The following SLC25A31 variants were observed in gnomAD, a reference collection of about 807,000 sequenced individuals.
The protein encoded by SLC25A31 is solute carrier family 25 member 31, also known as ADP/ATP translocase 4.
Under a neutral mutation model 36.2 loss-of-function variants are expected in SLC25A31, and 40 were observed. That is an observed-to-expected ratio of 1.10 (90% CI 0.86 to 1.44). The LOEUF (loss-of-function observed/expected upper bound fraction) is 1.44. SLC25A31 is among the 40% of genes most tolerant of loss of function. The pLI, the probability that SLC25A31 is intolerant of heterozygous loss-of-function variation, is 0.00. For missense variants in SLC25A31, 350 were observed against 397.1 expected (o/e 0.88, Z 1.01); for synonymous variants, 143 against 149.7 (o/e 0.96, Z 0.32).
intron 1 of SLC25A31, among the ~76,000 whole-genome samples, chr4:127,735,881 T>TTA (rs1268395581): frequency 2.6e-4 from 18 of 69,084 alleles, no homozygotes; most frequent in East Asian, 1.4e-3. Context: ...TATTTATTTA[T>TTA]TTATTTATTT....
chr4:127,758,440 T>TTA (rs2148761345), intron 2 of SLC25A31, among the ~76,000 whole-genome samples: 1 of 152,366 alleles, frequency 6.6e-6, no homozygotes, highest in South Asian at 2.1e-4. Flanking sequence ...GCATATTGTC[T>TTA]GTTTCCTCCA....
intron 3 of SLC25A31, among the ~76,000 whole-genome samples, chr4:127,765,452 A>T (rs1050757256): frequency 3.3e-5 from 5 of 152,110 alleles, no homozygotes; most frequent in African/African-American, 1.2e-4. Context: ...CTGGCTTTAA[A>T]CCTGTTTTAT....
intron 1 of SLC25A31, among the ~76,000 whole-genome samples, chr4:127,736,812 G>A (rs1482425910): frequency 3.3e-5 from 5 of 152,202 alleles, no homozygotes; most frequent in African/African-American, 1.2e-4. Context: ...TAATGTGTAT[G>A]TGTGTGTTCC....
At chr4:127,749,696 G>T (rs978624319) in intron 2 of SLC25A31, among the ~76,000 whole-genome samples, 2 of 133,184 alleles carry the variant, frequency 1.5e-5, no homozygotes, top group Non-Finnish European at 3.1e-5. Flanking sequence ...GTGACAGAGT[G>T]AGACTCCATC....
chr4:127,763,685 A>G (rs1303671115), intron 2 of SLC25A31, among the ~76,000 whole-genome samples: 1 of 152,214 alleles, frequency 6.6e-6, no homozygotes, highest in African/African-American at 2.4e-5. Context: ...TGTCATTTGA[A>G]CATAATTAAA....
intron 2 of SLC25A31, among the ~76,000 whole-genome samples, chr4:127,749,188 T>TTTGC (rs1731878082): frequency 1.3e-5 from 2 of 151,674 alleles, no homozygotes; most frequent in African/African-American, 2.4e-5. Context: ...CAGATGAAAG[T>TTTGC]ATCAGCAAAC....
At chr4:127,755,157 T>G (rs959724874) in intron 2 of SLC25A31, among the ~76,000 whole-genome samples, 2 of 152,074 alleles carry the variant, frequency 1.3e-5, no homozygotes, top group Admixed American at 6.6e-5. Flanking sequence ...ATATTAAAGA[T>G]TTAAATATGA....
intron 3 of SLC25A31, among the ~76,000 whole-genome samples, chr4:127,766,059 C>T (rs1426181844): frequency 6.6e-6 from 1 of 151,498 alleles, no homozygotes; most frequent in Non-Finnish European, 1.5e-5. Flanking sequence ...AAAATATGAC[C>T]CCTTCATATG....
chr4:127,766,952 G>A (rs1732255294), intron 3 of SLC25A31, 114 bp from the exon 4 acceptor site: 1 of 890,164 alleles, frequency 1.1e-6, no homozygotes, highest in Non-Finnish European at 1.6e-6. Flanking sequence ...TGCCTTCTTT[G>A]TTAGATTTGT....
rs1160924909 is a variant in SLC25A31, at chr4:127,730,493, G to C, written c.-53G>C. ...CGGTTTTCCGCTTCCCTTCATCGTA[G>C]CTCCCGTACTCATTTTTAGCCACTG... On this transcript the variant is annotated 5_prime_UTR_variant, in exon 1 of 6. Coordinates refer to ENST00000281154, the MANE Select transcript of SLC25A31 (RefSeq NM_031291.4). 1.3e-6 allele frequency: 2 copies of C among 1,557,676 alleles called. No individual in the cohort carries two copies. The highest frequency in any genetic ancestry group is 1.7e-4 in the Middle Eastern group (1 of 5,902).
intron 1 of SLC25A31, among the ~76,000 whole-genome samples, chr4:127,735,867 AT>A (rs1229789209): frequency 7.5e-6 from 1 of 132,596 alleles, no homozygotes; most frequent in Admixed American, 8.4e-5. Flanking sequence ...ACATTCTTTT[AT>A]TTTATTTATT....
At position 127,767,892 on chromosome 4, in the gene SLC25A31, T is replaced by TC. The variant is rs779932778; in HGVS notation, c.633+676dup. Among the ~76,000 whole-genome samples the TC allele has an allele frequency of 4.6e-5, 7 of 151,892 alleles. No individual in the cohort carries two copies. In the East Asian group the frequency reaches 1.2e-3, roughly 25 times the overall value. ...CCCATGTAACCAAAACACTACCTGT[T>TC]CCCCAAAAAACCTATTGAAATAAAA... On this transcript the variant is annotated intron_variant, in intron 4 of 5. Transcript: ENST00000281154.
intron 2 of SLC25A31, among the ~76,000 whole-genome samples, chr4:127,752,021 A>C (rs1731943147): frequency 6.6e-6 from 1 of 152,224 alleles, no homozygotes; most frequent in African/African-American, 2.4e-5. Context: ...CGATTCCTCA[A>C]GGATCTAGAA....
At chr4:127,760,107 T>G (rs1732099730) in intron 2 of SLC25A31, among the ~76,000 whole-genome samples, 2 of 152,220 alleles carry the variant, frequency 1.3e-5, no homozygotes, top group Non-Finnish European at 2.9e-5. Context: ...AACTGAGTCA[T>G]GTTAAACTGA....
intron 5 of SLC25A31, 133 bp from the exon 6 acceptor site, chr4:127,773,253 T>G (rs529539600): frequency 6.7e-5 from 45 of 676,024 alleles, no homozygotes; most frequent in Non-Finnish European, 8.9e-5. Context: ...CCAGGGACAG[T>G]AGCCATATAT....
intron 1 of SLC25A31, among the ~76,000 whole-genome samples, chr4:127,735,900 T>A (rs1183100619): frequency 5.6e-5 from 8 of 141,818 alleles, no homozygotes; most frequent in East Asian, 2.2e-4. Flanking sequence ...TTATTTATTT[T>A]TTTTTTTGAG....
chr4:127,736,625 T>G (rs1473111138), intron 1 of SLC25A31, among the ~76,000 whole-genome samples: 1 of 152,238 alleles, frequency 6.6e-6, no homozygotes, highest in Non-Finnish European at 1.5e-5. Context: ...GCCTTTCCTA[T>G]ATCTTGTAAC....
At chr4:127,738,300 A>G (rs1731670294) in intron 1 of SLC25A31, among the ~76,000 whole-genome samples, 1 of 152,176 alleles carries the variant, frequency 6.6e-6, no homozygotes, top group South Asian at 2.1e-4. Context: ...CATGTTGCCC[A>G]GGCTGGTCTC....
intron 2 of SLC25A31, among the ~76,000 whole-genome samples, chr4:127,763,320 C>CT (rs1207474051): frequency 1.3e-5 from 2 of 152,070 alleles, no homozygotes; most frequent in African/African-American, 4.8e-5. Flanking sequence ...CATTCCAGGG[C>CT]TAGAGAACAT....
Sources: allele counts gnomAD v4.1 joint callset (sites outside exome capture counted in the v4.1 genomes callset), GRCh38; gene constraint gnomAD v4.1.1; transcripts MANE v1.5; gene names NCBI Gene and HGNC (gene_info 2026-07-23, HGNC 2026-07-21).